The following HID1 variants were observed in gnomAD, a reference collection of about 807,000 sequenced individuals.
HID1 encodes the protein protein HID1.
A neutral mutation model predicts 89.7 loss-of-function variants in HID1; 42 were observed. The ratio of observed to expected loss-of-function variants is 0.47; its 90% CI spans 0.37 to 0.61. The LOEUF is 0.61. HID1 is among the 20% of genes least tolerant of loss of function. The pLI, the probability that HID1 is intolerant of heterozygous loss-of-function variation, is 0.00. For synonymous variants in HID1, 442 were observed against 433.8 expected (o/e 1.02, Z -0.24); for missense variants, 854 against 1,039.3 (o/e 0.82, Z 2.45).
rs1244100902 is a variant in HID1 at position 74,958,926 on chromosome 17, G to C, written c.1134C>G (p.Leu378=). 1.9e-6 allele frequency: 3 copies of C among 1,596,600 alleles called. No homozygotes were observed. Among genetic ancestry groups the C allele is most frequent in the Non-Finnish European group, 2.6e-6 (3 of 1,173,442 alleles). Residue 378 remains leucine, a synonymous_variant, in exon 9 of 19, where the codon CTC becomes CTG. Coordinates refer to ENST00000425042, the MANE Select transcript of HID1 (RefSeq NM_030630.3). This position sits in a 1 kb window ranked among gnomAD's most constrained non-coding sequence, Gnocchi z 5.2. ...HQELLVLFWK[L]CDFNKKFLFF... The stretch of plus-strand genomic sequence containing the variant: ...GCTGGCCCACCTTGTTGAAGTCGCA[G>C]AGCTTCCAGAAGAGAACTAGCAGCT...
chr17:74,964,394 G>A (rs1464345112), intron 2 of HID1, 89 bp downstream of exon 2: 2 of 1,405,202 alleles, frequency 1.4e-6, no homozygotes, highest in African/African-American at 2.8e-5. Flanking sequence ...GCCTGCCCCT[G>A]TGGGGCGGGA....
At chr17:74,971,033 GGCT>G (rs1333698583) in intron 1 of HID1, among the ~76,000 whole-genome samples, 3 of 152,200 alleles carry the variant, frequency 2.0e-5, no homozygotes, top group African/African-American at 7.2e-5. Flanking sequence ...CCCATCATAG[GGCT>G]GTAGCCAGGG....
At chr17:74,957,059 A>C (rs989885756) in intron 12 of HID1, among the ~76,000 whole-genome samples, 9 of 152,230 alleles carry the variant, frequency 5.9e-5, no homozygotes, top group Admixed American at 3.3e-4. Flanking sequence ...GGCCAGACAC[A>C]GTGGCTCACG....
chr17:74,962,160 G>A lies in HID1; in HGVS notation c.611+74C>T, dbSNP rs1004758318. The A allele has an allele frequency of 1.5e-6, 2 of 1,328,050 alleles. No individual in the cohort carries two copies. The highest frequency in any genetic ancestry group is 4.0e-5 in the Admixed American group (2 of 49,874). 82.3% of individuals were successfully genotyped at this position (1,328,050 alleles called of 1,614,324 possible). A position where few individuals can be genotyped will look rare whatever the true frequency, so the allele number is the denominator to read the frequency against. ...GACGGTCTTCTGGGAAGACCCCATG[G>A]GCTTTCTGAGCTGTGCGGGGGCCCG... is the stretch of plus-strand genomic sequence containing the variant. On this transcript the variant is annotated intron_variant, in intron 5 of 18. Coordinates refer to ENST00000425042, the MANE Select transcript of HID1 (RefSeq NM_030630.3). The surrounding 1 kb of genome is among the most constrained non-coding windows in gnomAD (Gnocchi z 4.3).
rs752169291 is a variant in HID1, at chr17:74,963,794, G to T, written c.333C>A (p.Asp111Glu). ...LTRVLPYIFE[D>E]PDWRGFFWST... ...ACCAGAAGAAGCCCCTCCAGTCGGGGTCCTCAAAGATGTAGGGCAGCACGC... is the reference window on the plus strand; with the variant it reads ...ACCAGAAGAAGCCCCTCCAGTCGGGTTCCTCAAAGATGTAGGGCAGCACGC... The change falls in exon 3 of 19, where the codon GAC becomes GAA. Residue 111 changes from aspartate to glutamate, a missense_variant. Asp to Glu is a conservative substitution (Grantham distance 45, BLOSUM62 2). Transcript: ENST00000425042. 3.1e-6 allele frequency: 5 copies of T among 1,614,070 alleles called. No homozygotes were observed. In the Admixed American group the frequency reaches 5.0e-5, roughly 16 times the overall value.
At chr17:74,956,221 C>A (rs921579710) in intron 12 of HID1, among the ~76,000 whole-genome samples, 1 of 152,050 alleles carries the variant, frequency 6.6e-6, no homozygotes, top group South Asian at 2.1e-4. Context: ...CCATGCCAGT[C>A]CCCCCCATAC....
rs1397057493 is a variant in HID1 at position 74,952,285 on chromosome 17, TCTC to T, written c.2125_2127del (p.Glu709del). On this transcript the variant is annotated inframe_deletion, in exon 17 of 19. Transcript: ENST00000425042. ...CCGACTCACTTGTCAATGCAGATCT[TCTC>T]CACCTGCGGAACCAGCACCTGCAGC... 4 of 1,613,510 alleles carry T rather than the reference TCTC, an allele frequency of 2.5e-6. No individual in the cohort carries two copies. Among genetic ancestry groups the T allele is most frequent in the Non-Finnish European group, 3.4e-6 (4 of 1,179,766 alleles).
chr17:74,956,725 C>G (rs1035665971), intron 12 of HID1, among the ~76,000 whole-genome samples: 1 of 152,202 alleles, frequency 6.6e-6, no homozygotes, highest in Non-Finnish European at 1.5e-5. Context: ...TAGCCACAAC[C>G]ATCCTCTCCA....
chr17:74,962,701 T>C lies in HID1; in HGVS notation c.504+264A>G, dbSNP rs1031795116. Among the ~76,000 whole-genome samples, 5 of 152,046 alleles carry C rather than the reference T, an allele frequency of 3.3e-5. No homozygotes were observed. Among genetic ancestry groups the C allele is most frequent in the African/African-American group, 1.2e-4 (5 of 41,386 alleles). The stretch of plus-strand genomic sequence containing the variant: ...CAGGAAGCAAGAGGGCCAGCCCTCC[T>C]GTGTCTGAGCCCCACACCCCTGGGC... On this transcript the variant is annotated intron_variant, in intron 4 of 18. Coordinates refer to ENST00000425042, the MANE Select transcript of HID1 (RefSeq NM_030630.3). The surrounding 1 kb of genome is among the most constrained non-coding windows in gnomAD (Gnocchi z 4.3).
rs57598584 is a variant in HID1, at chr17:74,951,223, A to ATT, written c.*345_*346dup. ...CAAACCCCTTAGGGCACAGTGACCC[A>ATT]TTGGCTTCTGCCTCTGGGGCTGGGT... On this transcript the variant is annotated 3_prime_UTR_variant, in exon 19 of 19. Coordinates refer to ENST00000425042, the MANE Select transcript of HID1 (RefSeq NM_030630.3). 0.21 allele frequency: 71,378 copies of ATT among 338,218 alleles called. 8,332 individuals are homozygous for ATT. The highest frequency in any genetic ancestry group is 0.24 in the Middle Eastern group (277 of 1,164). The allele number at this position is 338,218 out of a possible 1,614,324, so 21.0% of individuals were successfully genotyped here.
At position 74,951,580 on chromosome 17, in the gene HID1, T is replaced by C. The variant is rs1476448415; in HGVS notation, c.2357A>G (p.Gln786Arg). 3 of 1,611,994 alleles carry C rather than the reference T, an allele frequency of 1.9e-6. No individual in the cohort carries two copies. The highest frequency in any genetic ancestry group is 1.7e-5 in the Admixed American group (1 of 59,712). Reference protein sequence around the residue: ...YDTDVKLFEIQRV With the variant: ...YDTDVKLFEIRRV ...TCGTCGGCTTCATCCTCACACCCGC[T>C]GTATCTCAAACAGCTTCACGTCGGT... The change falls in exon 19 of 19, where the codon CAG becomes CGG. Residue 786 changes from glutamine to arginine, a missense_variant. By Grantham distance (43) the Gln-to-Arg change is conservative. Transcript: ENST00000425042.
intron 1 of HID1, chr17:74,967,937 CAA>C (rs201112984): frequency 2.3e-5 from 3 of 132,682 alleles, no homozygotes; most frequent in African/African-American, 5.6e-5. Context: ...ACTATCTCTA[CAA>C]AAAAAAAAAG....
At chr17:74,952,507 G>T in intron 16 of HID1, 147 bp from the exon 17 acceptor site, 1 of 626,846 alleles carries the variant, frequency 1.6e-6, no homozygotes, top group Non-Finnish European at 2.9e-6. Flanking sequence ...GCAGGACCCG[G>T]GAAGAGTTAA....
In HID1 at chr17:74,972,754, G is replaced by C. The variant is rs2039671146; in HGVS notation, c.-98C>G. 17 of 1,175,190 alleles carry C rather than the reference G, an allele frequency of 1.4e-5. No individual in the cohort carries two copies. In the South Asian group the frequency reaches 3.0e-4, roughly 21 times the overall value. 72.8% of individuals were successfully genotyped at this position (1,175,190 alleles called of 1,614,324 possible). A position where few individuals can be genotyped will look rare whatever the true frequency, so the allele number is the denominator to read the frequency against. On this transcript the variant is annotated 5_prime_UTR_variant, in exon 1 of 19. Transcript: ENST00000425042. The surrounding 1 kb of genome is among the most constrained non-coding windows in gnomAD (Gnocchi z 6.4). ...CTCCGCGGCCCCCGCGGCTCTCGCA[G>C]GAGACAAGCGGCGCGCCCCGCCCCC...
chr17:74,952,656 C>T (rs1207876733), intron 16 of HID1, among the ~76,000 whole-genome samples: 2 of 152,150 alleles, frequency 1.3e-5, no homozygotes, highest in Non-Finnish European at 2.9e-5. Flanking sequence ...GCGCAACTGG[C>T]GTGATCTCAG....
chr17:74,972,418 G>A lies in HID1; in HGVS notation c.66+173C>T, dbSNP rs1176785839. 6.6e-6 allele frequency among the ~76,000 whole-genome samples: 1 copy of A among 152,202 alleles called. No individual in the cohort carries two copies. The highest frequency in any genetic ancestry group is 1.5e-5 in the Non-Finnish European group (1 of 68,018). ...CTGAGGGTGGGGGACTAGGGCCAGG[G>A]GATGGAGCTTCCAGGTACAGGCCGC... On this transcript the variant is annotated intron_variant, in intron 1 of 18. Transcript: ENST00000425042. This position sits in a 1 kb window ranked among gnomAD's most constrained non-coding sequence, Gnocchi z 6.4.
intron 12 of HID1, among the ~76,000 whole-genome samples, chr17:74,957,020 C>A (rs1052803304): frequency 1.3e-5 from 2 of 152,210 alleles, no homozygotes; most frequent in Non-Finnish European, 2.9e-5. Flanking sequence ...AGTCCTAACA[C>A]GTGTGCTGCA....
rs762065351 is a variant in HID1 at position 74,958,685 on chromosome 17, G to C, written c.1228C>G (p.Arg410Gly). ...ACCCTGGTCTTACACTGATCGGCCC[G>C]GGCATCGTTGAGGAAGAAGAGGATG... ...VPILFFLNDA[R>G]ADQSRVGLMH... is the part of the protein sequence containing the mutation. The change falls in exon 10 of 19, where the codon CGG becomes GGG. Residue 410 changes from arginine to glycine, a missense_variant. Arg to Gly is a moderately radical substitution (Grantham distance 125, BLOSUM62 -2). Coordinates refer to ENST00000425042, the MANE Select transcript of HID1 (RefSeq NM_030630.3). The surrounding 1 kb of genome is among the most constrained non-coding windows in gnomAD (Gnocchi z 5.2). 5 of 977,146 alleles carry C rather than the reference G, an allele frequency of 5.1e-6. No individual in the cohort carries two copies. Among genetic ancestry groups the C allele is most frequent in the Non-Finnish European group, 7.6e-6 (5 of 653,698 alleles). The allele number at this position is 977,146 out of a possible 1,614,324, so 60.5% of individuals were successfully genotyped here. A position where few individuals can be genotyped will look rare whatever the true frequency, so the allele number is the denominator to read the frequency against.
In HID1 at chr17:74,954,194, C is replaced by A. The variant is rs1274306068; in HGVS notation, c.1808G>T (p.Arg603Leu). The A allele has an allele frequency of 1.9e-6, 3 of 1,602,480 alleles. No individual in the cohort carries two copies. Among genetic ancestry groups the A allele is most frequent in the African/African-American group, 1.3e-5 (1 of 74,912 alleles). ...SQEGTSMEGSRPAAPAEPGTL... is the reference protein window; with the variant it reads ...SQEGTSMEGSLPAAPAEPGTL... Reference sequence around the variant, plus strand: ...GCCTGGCTCTGCAGGGGCAGCGGGGCGGGAGCCCTCCATGGAGGTGCCCTC... The same window carrying A: ...GCCTGGCTCTGCAGGGGCAGCGGGGAGGGAGCCCTCCATGGAGGTGCCCTC... The change falls in exon 14 of 19, where the codon CGC becomes CTC. Residue 603 changes from arginine (R) to leucine (L), a missense_variant. By Grantham distance (102) the Arg-to-Leu change is moderately radical. Transcript: ENST00000425042.
Sources: gnomAD v4.1 joint callset for allele counts (sites outside exome capture counted in the v4.1 genomes callset) on GRCh38, gnomAD v4.1.1 for gene constraint, Gnocchi (gnomAD v3.1) non-coding constraint, MANE v1.5 for transcripts, NCBI Gene and HGNC (gene_info 2026-07-23, HGNC 2026-07-21) for gene names.